Variants in RPS6KA2 observed in about 807,000 individuals in gnomAD.
The protein encoded by RPS6KA2 is ribosomal protein S6 kinase alpha-2.
RPS6KA2 carries 42 observed loss-of-function variants against 91.8 expected under a neutral mutation model. That is an observed-to-expected ratio of 0.46 (90% CI 0.36 to 0.59). The LOEUF is 0.59. Among genes scored for constraint, RPS6KA2 ranks in the 20% least tolerant of loss-of-function variants. RPS6KA2 has a pLI of 0.00. For synonymous variants in RPS6KA2, 414 were observed against 393.6 expected (o/e 1.05, Z -0.61); for missense variants, 798 against 978.5 (o/e 0.82, Z 2.46).
Position 166,448,946 on chromosome 6 carries a change from G to T in RPS6KA2, c.1207-97C>A. 1 of 1,439,132 alleles carries T rather than the reference G, an allele frequency of 6.9e-7. No individual in the cohort carries two copies. The highest frequency in any genetic ancestry group is 1.3e-5 in the South Asian group (1 of 78,692). 89.1% of individuals were successfully genotyped at this position (1,439,132 alleles called of 1,614,324 possible). On this transcript the variant is annotated intron_variant, in intron 13 of 20. Coordinates refer to ENST00000265678, the MANE Select transcript of RPS6KA2 (RefSeq NM_021135.6). This position sits in a 1 kb window ranked among gnomAD's most constrained non-coding sequence, Gnocchi z 4.7. The stretch of plus-strand genomic sequence containing the variant: ...AGAATGTGGGGCGAAGAGAGGCACC[G>T]ACTGTGAACTGAGTGTGTGGAGGCC...
intron 2 of RPS6KA2, among the ~76,000 whole-genome samples, chr6:166,645,629 G>A (rs1285195220): frequency 2.6e-5 from 4 of 152,130 alleles, no homozygotes; most frequent in African/African-American, 9.7e-5. Flanking sequence ...ACGGGAATGT[G>A]CCCCCCCTTC....
intron 14 of RPS6KA2, among the ~76,000 whole-genome samples, chr6:166,443,294 C>T (rs1779576555): frequency 6.6e-6 from 1 of 152,140 alleles, no homozygotes; most frequent in African/African-American, 2.4e-5. Flanking sequence ...CAGACCTCAA[C>T]CTGGGGTACG....
rs1782000573 is a variant in RPS6KA2 at position 166,500,826 on chromosome 6, G to T, written c.604+61C>A. 3 of 1,466,032 alleles carry T rather than the reference G, an allele frequency of 2.0e-6. No individual in the cohort carries two copies. The highest frequency in any genetic ancestry group is 2.9e-6 in the Non-Finnish European group (3 of 1,045,226). 90.8% of individuals were successfully genotyped at this position (1,466,032 alleles called of 1,614,324 possible). On this transcript the variant is annotated intron_variant, in intron 7 of 20. Coordinates refer to ENST00000265678, the MANE Select transcript of RPS6KA2 (RefSeq NM_021135.6). The surrounding 1 kb of genome is among the most constrained non-coding windows in gnomAD (Gnocchi z 4.3). ...ATAAGAGGGCTTGGGCTTTGAGGTG[G>T]TCCCCAAAGGTACCAGGGCTGAGAT...
At chr6:166,560,647 C>T (rs924755657) in intron 1 of RPS6KA2, among the ~76,000 whole-genome samples, 13 of 151,690 alleles carry the variant, frequency 8.6e-5, no homozygotes, top group Non-Finnish European at 1.6e-4. Context: ...ATGGGGTGGT[C>T]GCGAAACTCC....
rs955784736 is a variant in RPS6KA2, at chr6:166,563,214, C to T, written c.100-24430G>A. Among the ~76,000 whole-genome samples the T allele has an allele frequency of 1.3e-5, 2 of 152,252 alleles. No homozygotes were observed. Among genetic ancestry groups the T allele is most frequent in the Middle Eastern group, 3.4e-3 (1 of 294 alleles). On this transcript the variant is annotated intron_variant, in intron 1 of 20. Coordinates refer to ENST00000265678, the MANE Select transcript of RPS6KA2 (RefSeq NM_021135.6). The surrounding 1 kb of genome is among the most constrained non-coding windows in gnomAD (Gnocchi z 4.1). Reference sequence around the variant, plus strand: ...TTCCGGGGTAGTGGAGACACCGCCACGTCTGTGTCTCTGGAGAAGGAAGAT... The same window carrying T: ...TTCCGGGGTAGTGGAGACACCGCCATGTCTGTGTCTCTGGAGAAGGAAGAT...
chr6:166,582,574 TG>T (rs1785055630), intron 1 of RPS6KA2, among the ~76,000 whole-genome samples: 1 of 152,238 alleles, frequency 6.6e-6, no homozygotes, highest in Non-Finnish European at 1.5e-5. Flanking sequence ...TTTTATAGTA[TG>T]CAATGAATTT....
intron 12 of RPS6KA2, among the ~76,000 whole-genome samples, chr6:166,452,374 A>G (rs1203434060): frequency 3.9e-5 from 6 of 152,218 alleles, no homozygotes; most frequent in South Asian, 2.1e-4. Flanking sequence ...AAGAATTAAT[A>G]TCATCAAAAT....
At chr6:166,629,959 G>T (rs1787021722), upstream of RPS6KA2, among the ~76,000 whole-genome samples, 1 of 151,090 alleles carries the variant, frequency 6.6e-6, no homozygotes, top group African/African-American at 2.4e-5. Flanking sequence ...GGAAGAGAAG[G>T]TGAGTGAACA....
At chr6:166,465,977 C>A (rs1257890329) in intron 11 of RPS6KA2, among the ~76,000 whole-genome samples, 1 of 152,218 alleles carries the variant, frequency 6.6e-6, no homozygotes, top group African/African-American at 2.4e-5. Flanking sequence ...CAAGAGCCTG[C>A]CATTCCTCTA....
exon 1 of RPS6KA2, chr6:166,862,241 C>G (rs529203000): frequency 6.2e-7 from 1 of 1,608,818 alleles, no homozygotes; most frequent in African/African-American, 1.3e-5. Flanking sequence ...CTCGGACCGG[C>G]ACAGGGGGAC....
chr6:166,668,409 G>A lies in RPS6KA2; in HGVS notation c.124-129625C>T, dbSNP rs528786354. Among the ~76,000 whole-genome samples, 25 of 152,330 alleles carry A rather than the reference G, an allele frequency of 1.6e-4. No homozygotes were observed. In the South Asian group the frequency reaches 5.0e-3, roughly 30 times the overall value. ...CCACAAGAGCGTCAGACGTGAGGCT[G>A]TGCTTCATGGCCAGGCAGGGACTCG... On this transcript the variant is annotated intron_variant, in intron 2 of 21. Coordinates refer to the RPS6KA2 transcript ENST00000503859.
intron 2 of RPS6KA2, among the ~76,000 whole-genome samples, chr6:166,752,509 C>T (rs1777881104): frequency 6.6e-6 from 1 of 152,082 alleles, no homozygotes; most frequent in African/African-American, 2.4e-5. Flanking sequence ...ACTTCAAAAG[C>T]TGACATTAGC....
intron 10 of RPS6KA2, among the ~76,000 whole-genome samples, chr6:166,487,125 C>G (rs556500254): frequency 4.4e-4 from 67 of 152,348 alleles, no homozygotes; most frequent in Non-Finnish European, 9.1e-4. Flanking sequence ...ATGGCTATTT[C>G]TGTTGGAGAG....
At chr6:166,481,583 G>C (rs1781216591) in intron 10 of RPS6KA2, among the ~76,000 whole-genome samples, 1 of 151,950 alleles carries the variant, frequency 6.6e-6, no homozygotes, top group African/African-American at 2.4e-5. Flanking sequence ...ATATCTCTCT[G>C]ATCGATCTTA....
chr6:166,757,387 C>A, intron 2 of RPS6KA2: 1 of 400,256 alleles, frequency 2.5e-6, no homozygotes, highest in South Asian at 1.8e-5. Context: ...GACCTGTGTT[C>A]ATGATCTGTG....
intron 16 of RPS6KA2, among the ~76,000 whole-genome samples, chr6:166,427,554 C>G (rs1029247256): frequency 1.3e-5 from 2 of 152,128 alleles, no homozygotes; most frequent in African/African-American, 4.8e-5. Context: ...TAGAAAACCC[C>G]ACTGTCTCAG....
At chr6:166,749,743 T>TTCCTCAGGCCCCCATC (rs200423100) in intron 2 of RPS6KA2, among the ~76,000 whole-genome samples, 3 of 65,110 alleles carry the variant, frequency 4.6e-5, no homozygotes, top group Admixed American at 1.5e-4. Context: ...TGGGCCCCTC[T>TTCCTCAGGCCCCCATC]TCCTCAGGCC....
chr6:166,638,351 T>C (rs905278052), intron 2 of RPS6KA2, among the ~76,000 whole-genome samples: 1 of 152,196 alleles, frequency 6.6e-6, no homozygotes, highest in Non-Finnish European at 1.5e-5. Context: ...GAGCAGTGAA[T>C]GTCAGATTTG....
chr6:166,543,075 T>C (rs1783711918), intron 1 of RPS6KA2, among the ~76,000 whole-genome samples: 1 of 152,182 alleles, frequency 6.6e-6, no homozygotes, highest in African/African-American at 2.4e-5. Flanking sequence ...AAGCCAGCAC[T>C]GTTCTGCTGC....
Sources: gnomAD v4.1 joint callset for allele counts (sites outside exome capture counted in the v4.1 genomes callset) on GRCh38, gnomAD v4.1.1 for gene constraint, Gnocchi (gnomAD v3.1) non-coding constraint, MANE v1.5 for transcripts, NCBI Gene and HGNC (gene_info 2026-07-23, HGNC 2026-07-21) for gene names.